CAST: variants seen among roughly 807,000 people sequenced by gnomAD.
The protein encoded by CAST is MIR583 host.
A neutral mutation model predicts 119.6 loss-of-function variants in CAST; 76 were observed. That is an observed-to-expected ratio of 0.64 (90% CI 0.53 to 0.77). The LOEUF is 0.77. Among genes scored for constraint, CAST ranks in the 30% least tolerant of loss-of-function variants. The pLI, the probability that CAST is intolerant of heterozygous loss-of-function variation, is 0.00. For missense variants in CAST, 953 were observed against 946.5 expected, an observed-to-expected ratio of 1.01 and a Z score of -0.09; for synonymous variants, 319 against 331.6, an observed-to-expected ratio of 0.96 and a Z score of 0.41.
the CAST span, among the ~76,000 whole-genome samples, chr5:96,050,458 G>T: frequency 3.3e-5 from 5 of 152,278 alleles, no homozygotes; most frequent in Admixed American, 3.3e-4. Context: ...TCTGTGATGA[G>T]AAGAAAGCTG....
chr5:96,561,790 TTTTTTG>T (rs914494144), intron 1 of CAST, among the ~76,000 whole-genome samples: 1 of 73,936 alleles, frequency 1.4e-5, no homozygotes, highest in African/African-American at 5.3e-5. Flanking sequence ...ATATATGTTT[TTTTTTG>T]TTTTTTTTTT....
chr5:96,223,658 AC>A, the CAST span, among the ~76,000 whole-genome samples: 1 of 152,172 alleles, frequency 6.6e-6, no homozygotes, highest in African/African-American at 2.4e-5. Flanking sequence ...GTTTTAAGCC[AC>A]ACCATTTGTG....
At chr5:96,229,735 T>G in the CAST span, among the ~76,000 whole-genome samples, 2 of 152,326 alleles carry the variant, frequency 1.3e-5, no homozygotes, top group South Asian at 4.1e-4. Context: ...CCGTAATCTA[T>G]TCTCTGAATT....
chr5:96,498,488 C>T, the CAST span, among the ~76,000 whole-genome samples: 1 of 152,184 alleles, frequency 6.6e-6, no homozygotes, highest in Non-Finnish European at 1.5e-5. Flanking sequence ...TAAACCTCAA[C>T]TCCAATTAGC....
At chr5:96,334,587 G>T in the CAST span, among the ~76,000 whole-genome samples, 6 of 152,140 alleles carry the variant, frequency 3.9e-5, no homozygotes, top group African/African-American at 1.4e-4. Flanking sequence ...CACCCCCACG[G>T]TCCTGTCACT....
chr5:96,484,120 G>T, the CAST span, among the ~76,000 whole-genome samples: 3 of 152,112 alleles, frequency 2.0e-5, no homozygotes, highest in African/African-American at 7.2e-5. Context: ...TTGTGAGCAT[G>T]ATTTTGAGGA....
the CAST span, among the ~76,000 whole-genome samples, chr5:96,283,347 C>T: frequency 1.3e-5 from 2 of 152,004 alleles, no homozygotes; most frequent in Non-Finnish European, 1.5e-5. Flanking sequence ...GTATAAGGGG[C>T]TTCAAAAGGC....
chr5:96,768,370 C>T, intron 29 of CAST: 2 of 453,398 alleles, frequency 4.4e-6, no homozygotes, highest in South Asian at 1.6e-5. Flanking sequence ...AGGCTTGAGC[C>T]ACTGCGCCTG....
chr5:96,311,084 A>G, the CAST span, among the ~76,000 whole-genome samples: 1 of 151,976 alleles, frequency 6.6e-6, no homozygotes, highest in Non-Finnish European at 1.5e-5. Flanking sequence ...GTTTCCTCTT[A>G]CAACTGCTTT....
intron 1 of CAST, among the ~76,000 whole-genome samples, chr5:96,628,454 T>C (rs1747764492): frequency 6.6e-6 from 1 of 152,212 alleles, no homozygotes; most frequent in African/African-American, 2.4e-5. Context: ...AAACGTGCCC[T>C]AATAACACAT....
At chr5:96,383,816 T>G in the CAST span, among the ~76,000 whole-genome samples, 7 of 152,162 alleles carry the variant, frequency 4.6e-5, no homozygotes, top group Non-Finnish European at 1.5e-5. Flanking sequence ...CATCACAGTA[T>G]GAATGGAGAC....
chr5:95,992,195 A>G, the CAST span, among the ~76,000 whole-genome samples: 2 of 152,182 alleles, frequency 1.3e-5, no homozygotes, highest in African/African-American at 4.8e-5. Flanking sequence ...GAAAATTCTA[A>G]AGAGAATTCT....
At chr5:96,578,307 C>T (rs1269362215) in intron 1 of CAST, among the ~76,000 whole-genome samples, 1 of 150,296 alleles carries the variant, frequency 6.7e-6, no homozygotes, top group Non-Finnish European at 1.5e-5. Flanking sequence ...TTCAACATAC[C>T]TATGTCACTA....
At chr5:96,112,858 G>A in the CAST span, among the ~76,000 whole-genome samples, 7 of 152,258 alleles carry the variant, frequency 4.6e-5, no homozygotes, top group Admixed American at 3.3e-4. Flanking sequence ...ATGATCATGC[G>A]GCTGACTGGG....
chr5:96,254,769 G>A, the CAST span, among the ~76,000 whole-genome samples: 1 of 151,978 alleles, frequency 6.6e-6, no homozygotes, highest in Non-Finnish European at 1.5e-5. Context: ...TCTGATATCA[G>A]GAATATTTGA....
the CAST span, among the ~76,000 whole-genome samples, chr5:96,375,516 A>G: frequency 1.3e-5 from 2 of 152,064 alleles, no homozygotes; most frequent in African/African-American, 4.8e-5. Flanking sequence ...TTAGAAATAT[A>G]AAAAACACAA....
the CAST span, among the ~76,000 whole-genome samples, chr5:96,266,156 C>T: frequency 6.6e-6 from 1 of 152,108 alleles, no homozygotes; most frequent in African/African-American, 2.4e-5. Flanking sequence ...TGAGACAGTT[C>T]CCAGGGCCAC....
At chr5:96,242,028 G>A in the CAST span, among the ~76,000 whole-genome samples, 1 of 145,078 alleles carries the variant, frequency 6.9e-6, no homozygotes, top group Non-Finnish European at 1.5e-5. Flanking sequence ...TGTTCACTCT[G>A]ATGGTAGTTT....
At chr5:96,508,787 A>G in the CAST span, among the ~76,000 whole-genome samples, 3 of 152,130 alleles carry the variant, frequency 2.0e-5, no homozygotes, top group Non-Finnish European at 2.9e-5. Context: ...TCTTAATTAG[A>G]GTCATAAGCT....
Sources: allele counts gnomAD v4.1 joint callset (sites outside exome capture counted in the v4.1 genomes callset), GRCh38; gene constraint gnomAD v4.1.1; transcripts MANE v1.5; gene names NCBI Gene and HGNC (gene_info 2026-07-23, HGNC 2026-07-21).